The following OSBPL1A variants were observed in gnomAD, a reference collection of about 807,000 sequenced individuals.
The protein encoded by OSBPL1A is oxysterol binding protein like 1A.
A neutral mutation model predicts 137.1 loss-of-function variants in OSBPL1A; 80 were observed. That is an observed-to-expected ratio of 0.58 (90% CI 0.49 to 0.70). OSBPL1A has a LOEUF of 0.70. OSBPL1A is among the 30% of genes least tolerant of loss of function. The probability of loss-of-function intolerance (pLI) is 0.00; values close to 1 mark genes in which losing one functional copy is unlikely to be tolerated. For missense variants in OSBPL1A, 970 were observed against 1,129.4 expected (o/e 0.86, Z 2.02); for synonymous variants, 365 against 389.7 (o/e 0.94, Z 0.75).
chr18:24,258,150 G>T (rs147541316), intron 15 of OSBPL1A, among the ~76,000 whole-genome samples: 8 of 152,182 alleles, frequency 5.3e-5, no homozygotes, highest in African/African-American at 1.9e-4. Flanking sequence ...GCAGTATACG[G>T]AAGAGATATC....
At chr18:24,365,201 T>A (rs1471322477) in intron 4 of OSBPL1A, among the ~76,000 whole-genome samples, 1 of 152,140 alleles carries the variant, frequency 6.6e-6, no homozygotes, top group Non-Finnish European at 1.5e-5. Flanking sequence ...AAGACCAAAC[T>A]ACTGATACAT....
At chr18:24,352,797 CA>C (rs2091465303) in intron 4 of OSBPL1A, among the ~76,000 whole-genome samples, 1 of 151,990 alleles carries the variant, frequency 6.6e-6, no homozygotes, top group Admixed American at 6.6e-5. Context: ...ACAAACCTGA[CA>C]AAAACAAGAA....
At chr18:24,283,652 G>A (rs1219229881) in intron 14 of OSBPL1A, among the ~76,000 whole-genome samples, 1 of 152,034 alleles carries the variant, frequency 6.6e-6, no homozygotes, top group Non-Finnish European at 1.5e-5. Context: ...CTGAGGAGAT[G>A]TACCAGGAGA....
At chr18:24,210,966 T>G (rs938098511) in intron 17 of OSBPL1A, among the ~76,000 whole-genome samples, 117 of 152,088 alleles carry the variant, frequency 7.7e-4, no homozygotes, top group South Asian at 1.7e-3. Flanking sequence ...AACTTTTTTT[T>G]TTTGTTTGTT....
At chr18:24,311,465 T>C in intron 13 of OSBPL1A, 1 of 985,584 alleles carries the variant, frequency 1.0e-6, no homozygotes, top group Non-Finnish European at 1.2e-6. Flanking sequence ...TATGCTGATA[T>C]TCCTCTAGGG....
At chr18:24,222,287 A>G (rs2087919020) in intron 17 of OSBPL1A, among the ~76,000 whole-genome samples, 1 of 152,182 alleles carries the variant, frequency 6.6e-6, no homozygotes, top group African/African-American at 2.4e-5. Flanking sequence ...AATATAATGA[A>G]TAACATTTAC....
intron 18 of OSBPL1A, among the ~76,000 whole-genome samples, chr18:24,192,744 C>G (rs1044289748): frequency 7.2e-5 from 11 of 152,310 alleles, no homozygotes; most frequent in Admixed American, 6.5e-4. Flanking sequence ...TCTTCCTTTC[C>G]TTCCTAAGAC....
intron 15 of OSBPL1A, among the ~76,000 whole-genome samples, chr18:24,270,071 T>C (rs1242486523): frequency 6.6e-6 from 1 of 152,224 alleles, no homozygotes; most frequent in Non-Finnish European, 1.5e-5. Flanking sequence ...GGAATATATG[T>C]TGAATAATGT....
intron 11 of OSBPL1A, among the ~76,000 whole-genome samples, chr18:24,314,878 G>A (rs565098549): frequency 1.7e-4 from 26 of 152,300 alleles, no homozygotes; most frequent in Non-Finnish European, 3.4e-4. Context: ...TGAAAAATCA[G>A]ACCTTGGCGA....
intron 16 of OSBPL1A, among the ~76,000 whole-genome samples, chr18:24,235,782 G>A (rs576423742): frequency 3.3e-5 from 5 of 152,332 alleles, no homozygotes; most frequent in Admixed American, 2.0e-4. Flanking sequence ...TCCCCAAGAC[G>A]TCCATGTCCT....
At chr18:24,206,541 A>G (rs561706431) in intron 17 of OSBPL1A, among the ~76,000 whole-genome samples, 1 of 152,350 alleles carries the variant, frequency 6.6e-6, no homozygotes, top group East Asian at 1.9e-4. Flanking sequence ...ACATACTAAT[A>G]AATCCCAAAC....
At chr18:24,239,480 C>A in intron 15 of OSBPL1A, 98 bp from the exon 16 acceptor site, 2 of 1,077,014 alleles carry the variant, frequency 1.9e-6, no homozygotes, top group Non-Finnish European at 2.7e-6. Flanking sequence ...TCCAGTTCAA[C>A]TGCAATATCA....
intron 21 of OSBPL1A, 49 bp from the exon 22 acceptor site, chr18:24,172,532 G>T: frequency 7.7e-7 from 1 of 1,303,062 alleles, no homozygotes; most frequent in Non-Finnish European, 1.1e-6. Context: ...GTATCACTTT[G>T]TTTAAAAAGT....
At chr18:24,190,733 C>T (rs1474882166) in intron 18 of OSBPL1A, among the ~76,000 whole-genome samples, 1 of 152,234 alleles carries the variant, frequency 6.6e-6, no homozygotes, top group Non-Finnish European at 1.5e-5. Flanking sequence ...AAGCTCCAAA[C>T]CTTATCTAGC....
chr18:24,256,965 A>C (rs12455413), intron 15 of OSBPL1A, among the ~76,000 whole-genome samples: 1 of 58,080 alleles, frequency 1.7e-5, no homozygotes, highest in Non-Finnish European at 3.5e-5. Context: ...AAGAGGATGC[A>C]AAAAAAAAAA....
intron 14 of OSBPL1A, among the ~76,000 whole-genome samples, chr18:24,284,014 G>A (rs2090018713): frequency 6.6e-6 from 1 of 152,070 alleles, no homozygotes; most frequent in African/African-American, 2.4e-5. Flanking sequence ...TTGAGAGAGC[G>A]TCGAATTCTT....
chr18:24,198,371 C>A (rs2087100536), intron 17 of OSBPL1A, among the ~76,000 whole-genome samples: 1 of 152,178 alleles, frequency 6.6e-6, no homozygotes, highest in South Asian at 2.1e-4. Flanking sequence ...AAGAGTCCCA[C>A]CTGGGAATAT....
intron 13 of OSBPL1A, among the ~76,000 whole-genome samples, chr18:24,306,251 T>G (rs2090498722): frequency 6.6e-6 from 1 of 152,214 alleles, no homozygotes; most frequent in Admixed American, 6.5e-5. Context: ...ACAGGTCTCC[T>G]GCTTAGAAAC....
intron 4 of OSBPL1A, among the ~76,000 whole-genome samples, chr18:24,364,276 G>A (rs2091670967): frequency 6.6e-6 from 1 of 152,196 alleles, no homozygotes; most frequent in South Asian, 2.1e-4. Flanking sequence ...AGAAAGGAGA[G>A]GGGGCCTTGC....
Sources: gnomAD v4.1 joint callset for allele counts (sites outside exome capture counted in the v4.1 genomes callset) on GRCh38, gnomAD v4.1.1 for gene constraint, MANE v1.5 for transcripts, NCBI Gene and HGNC (gene_info 2026-07-23, HGNC 2026-07-21) for gene names.